PHACTR2: variants seen among roughly 807,000 people sequenced by gnomAD.
PHACTR2 encodes phosphatase and actin regulator 2, also known as chromosome 6 open reading frame 56.
In PHACTR2, 30 loss-of-function variants were observed where a neutral mutation model predicts 76.0. The ratio of observed to expected loss-of-function variants is 0.39; its 90% confidence interval spans 0.30 to 0.54. The LOEUF is 0.54. Ranked by LOEUF, PHACTR2 falls within the 20% of genes least tolerant of loss-of-function variation. The probability of loss-of-function intolerance (pLI) is 0.61; values close to 1 mark genes in which losing one functional copy is unlikely to be tolerated. For missense variants in PHACTR2, 696 were observed against 781.1 expected, an observed-to-expected ratio of 0.89 and a Z score of 1.30; for synonymous variants, 292 against 292.5, an observed-to-expected ratio of 1.00 and a Z score of 0.02.
chr6:143,816,895 GTC>G lies in PHACTR2; in HGVS notation c.1923-6775_1923-6774del, dbSNP rs776696589. Reference sequence around the variant, plus strand: ...AGCCTGGTCAACATGGCACAATGCTGTCTCTACAAAAAATACAAAAATTAGCC... The same window carrying G: ...AGCCTGGTCAACATGGCACAATGCTGTCTACAAAAAATACAAAAATTAGCC... On this transcript the variant is annotated intron_variant, in intron 12 of 12. Transcript: ENST00000440869. This position sits in a 1 kb window ranked among gnomAD's most constrained non-coding sequence, Gnocchi z 4.5. Among the ~76,000 whole-genome samples, 1 of 152,016 alleles carries G rather than the reference GTC, an allele frequency of 6.6e-6. No homozygotes were observed. The highest frequency in any genetic ancestry group is 1.5e-5 in the Non-Finnish European group (1 of 67,992).
chr6:143,542,391 A>G (rs1052044155), intron 1 of PHACTR2, among the ~76,000 whole-genome samples: 1 of 152,150 alleles, frequency 6.6e-6, no homozygotes, highest in African/African-American at 2.4e-5. Context: ...AGCTTGGCAC[A>G]TTTGAAAAAT....
At chr6:143,672,977 G>C (rs539592034), upstream of PHACTR2, among the ~76,000 whole-genome samples, 12 of 152,102 alleles carry the variant, frequency 7.9e-5, no homozygotes, top group African/African-American at 2.9e-4. The surrounding 1 kb of genome is among the most constrained non-coding windows in gnomAD (Gnocchi z 5.8). Context: ...CGCCCACCTC[G>C]GCCTCCCAAA....
chr6:143,718,261 G>C (rs1157762662), intron 2 of PHACTR2, among the ~76,000 whole-genome samples: 1 of 152,160 alleles, frequency 6.6e-6, no homozygotes, highest in Non-Finnish European at 1.5e-5. Flanking sequence ...CCAAGAACTT[G>C]ATTCATATTA....
At chr6:143,622,258 A>G (rs1776167151) in intron 1 of PHACTR2, among the ~76,000 whole-genome samples, 1 of 152,102 alleles carries the variant, frequency 6.6e-6, no homozygotes, top group South Asian at 2.1e-4. Flanking sequence ...TCAAGCCCAA[A>G]ACGTCACACA....
Position 143,627,107 on chromosome 6 carries a change from A to ATAT in PHACTR2, c.13+18785_13+18786insTAT, listed in dbSNP as rs1288475104. Among the ~76,000 whole-genome samples the ATAT allele has an allele frequency of 2.0e-5, 3 of 152,186 alleles. No individual in the cohort carries two copies. The highest frequency in any genetic ancestry group is 4.8e-5 in the African/African-American group (2 of 41,444). ...GAGACCGATGAGACATAGAACTGGA[A>ATAT]GTGCTTAGGTATCTATGAACCAAAC... On this transcript the variant is annotated intron_variant, in intron 1 of 11. Transcript: ENST00000305766. The surrounding 1 kb of genome is among the most constrained non-coding windows in gnomAD (Gnocchi z 4.3).
intron 1 of PHACTR2, chr6:143,555,057 T>C (rs1181185538): frequency 1.3e-5 from 2 of 152,232 alleles, no homozygotes; most frequent in Non-Finnish European, 1.5e-5. Flanking sequence ...TGTGTTTCCA[T>C]ACACATACGG....
chr6:143,670,781 G>A lies in PHACTR2; in HGVS notation c.14-41235G>A, dbSNP rs1256059800. Among the ~76,000 whole-genome samples, 3 of 152,110 alleles carry A rather than the reference G, an allele frequency of 2.0e-5. 1 individual carries two copies. Among genetic ancestry groups the A allele is most frequent in the African/African-American group, 7.2e-5 (3 of 41,492 alleles). ...CAGGTTCTTAGCTTCCTTGCATTGG[G>A]TTAGAACATGCTCCTTTAGCTCAGA... On this transcript the variant is annotated intron_variant, in intron 1 of 11. Transcript: ENST00000305766.
In PHACTR2 at chr6:143,695,796, CT is replaced by C. The variant is rs1407581014; in HGVS notation, c.47-16217del. ...ATCATAAAACAGATCTTTCTTTTCT[CT>C]TTAGATTGTGACATTAGGCACATGT... On this transcript the variant is annotated intron_variant, in intron 1 of 12. Coordinates refer to ENST00000440869, the MANE Select transcript of PHACTR2 (RefSeq NM_001100164.2). The surrounding 1 kb of genome is among the most constrained non-coding windows in gnomAD (Gnocchi z 4.4). Among the ~76,000 whole-genome samples, 1 of 152,156 alleles carries C rather than the reference CT, an allele frequency of 6.6e-6. No homozygotes were observed. Among genetic ancestry groups the C allele is most frequent in the African/African-American group, 2.4e-5 (1 of 41,440 alleles).
At position 143,739,358 on chromosome 6, in the gene PHACTR2, C is replaced by T. The variant is rs1054447271; in HGVS notation, c.215-9627C>T. On this transcript the variant is annotated intron_variant, in intron 2 of 12. Coordinates refer to ENST00000440869, the MANE Select transcript of PHACTR2 (RefSeq NM_001100164.2). This position sits in a 1 kb window ranked among gnomAD's most constrained non-coding sequence, Gnocchi z 4.3. ...GATTACAGGTGTGAGCCACCGCACC[C>T]GGCTGCGAGATTCACTTTAAAATCA... is the stretch of plus-strand genomic sequence containing the variant. 6.6e-6 allele frequency among the ~76,000 whole-genome samples: 1 copy of T among 152,160 alleles called. No homozygotes were observed. The highest frequency in any genetic ancestry group is 1.5e-5 in the Non-Finnish European group (1 of 68,030).
At position 143,738,627 on chromosome 6, in the gene PHACTR2, A is replaced by G. The variant is rs1437194283; in HGVS notation, c.215-10358A>G. Among the ~76,000 whole-genome samples the G allele has an allele frequency of 1.3e-5, 2 of 151,492 alleles. No individual in the cohort carries two copies. Among genetic ancestry groups the G allele is most frequent in the African/African-American group, 4.9e-5 (2 of 41,220 alleles). On this transcript the variant is annotated intron_variant, in intron 2 of 12. Transcript: ENST00000440869. This position sits in a 1 kb window ranked among gnomAD's most constrained non-coding sequence, Gnocchi z 4.0. ...AAAAATTAGCTGGGCATGGTGGTGC[A>G]TGCCTGTAGTCCCAGCTACTTAGGA... is the stretch of plus-strand genomic sequence containing the variant.
rs1429602434 is a variant in PHACTR2, at chr6:143,589,705, T to C, written c.217+52498T>C. On this transcript the variant is annotated intron_variant, in intron 1 of 11. Coordinates refer to the PHACTR2 transcript ENST00000367584. This position sits in a 1 kb window ranked among gnomAD's most constrained non-coding sequence, Gnocchi z 4.4. ...CTTCATTTTAATACCATCATCTCTTTTAAAGGCCCTATCTCCAAATACAGT... is the reference window on the plus strand; with the variant it reads ...CTTCATTTTAATACCATCATCTCTTCTAAAGGCCCTATCTCCAAATACAGT... 6.6e-6 allele frequency among the ~76,000 whole-genome samples: 1 copy of C among 152,158 alleles called. No homozygotes were observed. Among genetic ancestry groups the C allele is most frequent in the African/African-American group, 2.4e-5 (1 of 41,446 alleles).
At chr6:143,538,203 G>C (rs963897009) in intron 1 of PHACTR2, among the ~76,000 whole-genome samples, 1 of 152,218 alleles carries the variant, frequency 6.6e-6, no homozygotes, top group Non-Finnish European at 1.5e-5. Flanking sequence ...CACCGGGACC[G>C]ACGAAATCAG....
rs1779436618 is a variant in PHACTR2, at chr6:143,761,363, T to A, written c.694+723T>A. Among the ~76,000 whole-genome samples the A allele has an allele frequency of 6.6e-6, 1 of 152,226 alleles. No individual in the cohort carries two copies. The highest frequency in any genetic ancestry group is 1.5e-5 in the Non-Finnish European group (1 of 68,034). On this transcript the variant is annotated intron_variant, in intron 5 of 12. Coordinates refer to ENST00000440869, the MANE Select transcript of PHACTR2 (RefSeq NM_001100164.2). This position sits in a 1 kb window ranked among gnomAD's most constrained non-coding sequence, Gnocchi z 5.2. ...TAACTCATGCAATATGTATCCAGCT[T>A]TGCTTTACAATCAGATATGCTTGAT...
Position 143,793,223 on chromosome 6 carries a change from T to C in PHACTR2, c.1845+4313T>C, listed in dbSNP as rs1775750556. On this transcript the variant is annotated intron_variant, in intron 11 of 12. Transcript: ENST00000440869. The surrounding 1 kb of genome is among the most constrained non-coding windows in gnomAD (Gnocchi z 4.4). Reference sequence around the variant, plus strand: ...GTTCCTTTTGACTCTTGTTCTTTTGTTGGAAGGTAAAGCTCATTCATCTCT... The same window carrying C: ...GTTCCTTTTGACTCTTGTTCTTTTGCTGGAAGGTAAAGCTCATTCATCTCT... Among the ~76,000 whole-genome samples, 1 of 152,154 alleles carries C rather than the reference T, an allele frequency of 6.6e-6. No individual in the cohort carries two copies. The highest frequency in any genetic ancestry group is 6.5e-5 in the Admixed American group (1 of 15,270).
intron 2 of PHACTR2, among the ~76,000 whole-genome samples, chr6:143,746,956 A>G (rs1425234210): frequency 6.6e-6 from 1 of 152,162 alleles, no homozygotes; most frequent in East Asian, 1.9e-4. Context: ...TGAGGAATCT[A>G]AAGGAAGGGA....
intron 1 of PHACTR2, among the ~76,000 whole-genome samples, chr6:143,566,831 C>CA (rs528672385): frequency 0.035 from 4,833 of 137,798 alleles, 221 homozygotes; most frequent in African/African-American, 0.11. Flanking sequence ...AAGGACTTTT[C>CA]AAAAAAAAAA....
chr6:143,766,204 C>T (rs1269815141), intron 6 of PHACTR2, among the ~76,000 whole-genome samples: 2 of 152,224 alleles, frequency 1.3e-5, no homozygotes, highest in African/African-American at 4.8e-5. Flanking sequence ...GAAGAGAACT[C>T]TCAAATTTGA....
chr6:143,686,481 CTTT>C (rs71024870), intron 1 of PHACTR2, among the ~76,000 whole-genome samples: 1 of 83,988 alleles, frequency 1.2e-5, no homozygotes, highest in African/African-American at 4.6e-5. Context: ...GAACTTCATT[CTTT>C]TTTTTTTTTT....
At chr6:143,721,713 T>G (rs540822564) in intron 2 of PHACTR2, among the ~76,000 whole-genome samples, 2 of 152,232 alleles carry the variant, frequency 1.3e-5, no homozygotes, top group East Asian at 3.9e-4. Context: ...TCCTTCCATC[T>G]TTTCTTTAAG....
Sources: gnomAD v4.1 joint callset for allele counts (sites outside exome capture counted in the v4.1 genomes callset) on GRCh38, gnomAD v4.1.1 for gene constraint, Gnocchi (gnomAD v3.1) non-coding constraint, MANE v1.5 for transcripts, NCBI Gene and HGNC (gene_info 2026-07-23, HGNC 2026-07-21) for gene names.